Variants in FHAD1 observed in about 807,000 individuals in gnomAD.
The protein encoded by FHAD1 is forkhead associated phosphopeptide binding domain 1, also known as forkhead-associated domain-containing protein 1.
FHAD1 carries 146 observed loss-of-function variants against 191.3 expected under a neutral mutation model. The ratio of observed to expected loss-of-function variants is 0.76; its 90% CI spans 0.67 to 0.88. The LOEUF (loss-of-function observed/expected upper bound fraction) is 0.88, where lower values mean the gene tolerates loss of function less well. Among genes scored for constraint, FHAD1 ranks in the 40% least tolerant of loss-of-function variants. The probability of loss-of-function intolerance (pLI) is 0.00; values close to 1 mark genes in which losing one functional copy is unlikely to be tolerated. For missense variants in FHAD1, 1,635 were observed against 1,785.8 expected (o/e 0.92, Z 1.52); for synonymous variants, 616 against 672.3 (o/e 0.92, Z 1.29).
At chr1:15,366,639 G>T (rs1696574740) in intron 24 of FHAD1, among the ~76,000 whole-genome samples, 1 of 152,200 alleles carries the variant, frequency 6.6e-6, no homozygotes, top group African/African-American at 2.4e-5. Flanking sequence ...GGGCAAGGGG[G>T]CCTCTCCAGG....
downstream of FHAD1, among the ~76,000 whole-genome samples, chr1:15,398,967 C>T (rs551008449): frequency 6.6e-6 from 1 of 152,074 alleles, no homozygotes; most frequent in Admixed American, 6.5e-5. Flanking sequence ...ATTACAGGCA[C>T]CTGCCACCAT....
chr1:15,320,014 C>A (rs1434541727), intron 10 of FHAD1, among the ~76,000 whole-genome samples: 1 of 152,188 alleles, frequency 6.6e-6, no homozygotes, highest in Non-Finnish European at 1.5e-5. Flanking sequence ...CTAAACAAGG[C>A]TTTGGCTGCA....
rs544874318 is a variant in FHAD1, at chr1:15,381,974, T to A, written c.4023-54T>A. The A allele has an allele frequency of 6.5e-7, 1 of 1,535,596 alleles. No homozygotes were observed. Among genetic ancestry groups the A allele is most frequent in the Admixed American group, 2.0e-5 (1 of 50,162 alleles). Reference sequence around the variant, plus strand: ...GAGACTTCCGGGTCTGGCACATTGATGATGATTGGGAAAGATAAGGGAAAA... The same window carrying A: ...GAGACTTCCGGGTCTGGCACATTGAAGATGATTGGGAAAGATAAGGGAAAA... On this transcript the variant is annotated intron_variant, in intron 30 of 33. Coordinates refer to ENST00000688493, the MANE Select transcript of FHAD1 (RefSeq NM_001391957.1). The surrounding 1 kb of genome is among the most constrained non-coding windows in gnomAD (Gnocchi z 4.6).
At position 15,272,369 on chromosome 1, in the gene FHAD1, C is replaced by T. The variant is rs747187763; in HGVS notation, c.140C>T (p.Ala47Val). 39 of 1,551,588 alleles carry T rather than the reference C, an allele frequency of 2.5e-5. No individual in the cohort carries two copies. The Admixed American group carries it at 5.5e-4, about 22-fold the overall frequency. Residue 47 changes from alanine (A) to valine (V), a missense_variant, in exon 3 of 34, where the codon GCG (alanine) becomes GTG (valine). Coordinates refer to ENST00000688493, the MANE Select transcript of FHAD1 (RefSeq NM_001391957.1). Reference protein sequence around the residue: ...NHHALIEYNEAECSFVLQDFN... With the variant: ...NHHALIEYNEVECSFVLQDFN... ...CATGCACTCATTGAATATAACGAGGCGGAGTGCAGCTTTGTTCTCCAGGAC... is the reference window on the plus strand; with the variant it reads ...CATGCACTCATTGAATATAACGAGGTGGAGTGCAGCTTTGTTCTCCAGGAC...
chr1:15,322,854 G>A (rs1256633723), intron 10 of FHAD1, among the ~76,000 whole-genome samples: 2 of 152,180 alleles, frequency 1.3e-5, no homozygotes, highest in Admixed American at 6.5e-5. Context: ...TTTTCACACC[G>A]CTGTTAAAGA....
chr1:15,294,879 C>A (rs1238919282), intron 4 of FHAD1, among the ~76,000 whole-genome samples: 2 of 152,122 alleles, frequency 1.3e-5, no homozygotes, highest in Non-Finnish European at 2.9e-5. Context: ...TCTCCTCGAA[C>A]AGGCAGTAAG....
intron 4 of FHAD1, among the ~76,000 whole-genome samples, chr1:15,291,731 C>G (rs1042981350): frequency 2.6e-5 from 4 of 152,126 alleles, no homozygotes; most frequent in African/African-American, 9.7e-5. Context: ...TTGCATTAAG[C>G]TTTTGACGAG....
At chr1:15,293,756 C>T (rs1321724832) in intron 4 of FHAD1, among the ~76,000 whole-genome samples, 3 of 152,142 alleles carry the variant, frequency 2.0e-5, no homozygotes, top group Non-Finnish European at 4.4e-5. Flanking sequence ...ACAAGTTGTT[C>T]CTTGTTATCA....
chr1:15,398,981 C>T (rs2473342), downstream of FHAD1, among the ~76,000 whole-genome samples: 375 of 152,122 alleles, frequency 2.5e-3, 1 homozygote, highest in African/African-American at 8.4e-3. Flanking sequence ...CCACCATACC[C>T]GGCTAATTTT....
In FHAD1 at chr1:15,327,001, GC is replaced by G; in HGVS notation, c.1474-53del. On this transcript the variant is annotated intron_variant, in intron 11 of 33. Coordinates refer to ENST00000688493, the MANE Select transcript of FHAD1 (RefSeq NM_001391957.1). The surrounding 1 kb of genome is among the most constrained non-coding windows in gnomAD (Gnocchi z 5.1). Reference sequence around the variant, plus strand: ...TCCCGCACCCTGCCATGGAAACGCTGCCCCCACTTGCCGGCCCCTGCTGACC... The same window carrying G: ...TCCCGCACCCTGCCATGGAAACGCTGCCCCACTTGCCGGCCCCTGCTGACC... 1 of 1,068,470 alleles carries G rather than the reference GC, an allele frequency of 9.4e-7. No individual in the cohort carries two copies. Among genetic ancestry groups the G allele is most frequent in the Non-Finnish European group, 1.4e-6 (1 of 708,864 alleles). 66.2% of individuals were successfully genotyped at this position (1,068,470 alleles called of 1,614,324 possible). A position where few individuals can be genotyped will look rare whatever the true frequency, so the allele number is the denominator to read the frequency against.
At chr1:15,341,246 G>A (rs1686549726) in intron 15 of FHAD1, among the ~76,000 whole-genome samples, 1 of 152,156 alleles carries the variant, frequency 6.6e-6, no homozygotes, top group Non-Finnish European at 1.5e-5. Context: ...GCCCGATTTG[G>A]CCTGTGGGCT....
In FHAD1 at chr1:15,343,098, G is replaced by C. The variant is rs557398176; in HGVS notation, c.2130+1210G>C. On this transcript the variant is annotated intron_variant, in intron 16 of 33. Coordinates refer to ENST00000688493, the MANE Select transcript of FHAD1 (RefSeq NM_001391957.1). ...CAGGTATGAGCCACCATACCTGAGG[G>C]TTGGCCCTTTTTGATATTCAGGGAC... is the stretch of plus-strand genomic sequence containing the variant. Among the ~76,000 whole-genome samples, 14 of 152,232 alleles carry C rather than the reference G, an allele frequency of 9.2e-5. No homozygotes were observed. In the South Asian group the frequency reaches 2.9e-3, roughly 32 times the overall value.
chr1:15,337,480 T>A (rs1215817628), intron 14 of FHAD1, among the ~76,000 whole-genome samples: 1 of 152,160 alleles, frequency 6.6e-6, no homozygotes, highest in Non-Finnish European at 1.5e-5. Context: ...GCTCCCTGCC[T>A]CTCACTCAGA....
chr1:15,288,137 C>T (rs2100507690), intron 3 of FHAD1, among the ~76,000 whole-genome samples: 1 of 152,354 alleles, frequency 6.6e-6, no homozygotes, highest in Admixed American at 6.5e-5. Context: ...CTGTCCACCA[C>T]TGCCTGTGCT....
At chr1:15,282,523 T>G (rs77826917) in intron 3 of FHAD1, among the ~76,000 whole-genome samples, 10,254 of 152,308 alleles carry the variant, frequency 0.067, 448 homozygotes, top group South Asian at 0.1. Flanking sequence ...ATATATTTGT[T>G]TACCTTTGTG....
intron 23 of FHAD1, among the ~76,000 whole-genome samples, chr1:15,363,145 G>A (rs1351949932): frequency 6.6e-6 from 1 of 152,192 alleles, no homozygotes; most frequent in Non-Finnish European, 1.5e-5. Flanking sequence ...CATCTGGTGA[G>A]GGCCTTCTTG....
intron 14 of FHAD1, among the ~76,000 whole-genome samples, chr1:15,338,350 T>C (rs544474375): frequency 3.9e-5 from 6 of 152,210 alleles, no homozygotes; most frequent in Non-Finnish European, 8.8e-5. Context: ...CCTTGGCTCA[T>C]GGCCCCTTCC....
chr1:15,329,158 A>T lies in FHAD1; in HGVS notation c.1711-188A>T, dbSNP rs535749155. The T allele has an allele frequency of 6.1e-6, 3 of 488,512 alleles. No homozygotes were observed. In the South Asian group the frequency reaches 1.3e-4, roughly 22 times the overall value. The allele number at this position is 488,512 out of a possible 1,614,324, so 30.3% of individuals were successfully genotyped here. A position where few individuals can be genotyped will look rare whatever the true frequency, so the allele number is the denominator to read the frequency against. ...TTTGACCATCAAAAGTCCAAATTAG[A>T]GTATTAAAAAAAAACCTGTCAAAAC... is the stretch of plus-strand genomic sequence containing the variant. On this transcript the variant is annotated intron_variant, in intron 13 of 33. Coordinates refer to ENST00000688493, the MANE Select transcript of FHAD1 (RefSeq NM_001391957.1). This position sits in a 1 kb window ranked among gnomAD's most constrained non-coding sequence, Gnocchi z 5.0.
intron 1 of FHAD1, among the ~76,000 whole-genome samples, chr1:15,250,519 T>TG (rs1052879304): frequency 9.9e-5 from 15 of 152,216 alleles, no homozygotes; most frequent in African/African-American, 3.4e-4. Context: ...AGTAAAATGC[T>TG]GGGGGGAATA....
Sources: allele counts gnomAD v4.1 joint callset (sites outside exome capture counted in the v4.1 genomes callset), GRCh38; gene constraint gnomAD v4.1.1; non-coding constraint Gnocchi (gnomAD v3.1); transcripts MANE v1.5; gene names NCBI Gene and HGNC (gene_info 2026-07-23, HGNC 2026-07-21).